The following PRKG1 variants were observed in gnomAD, a reference collection of about 807,000 sequenced individuals.
PRKG1 encodes the protein protein kinase cGMP-dependent 1, also known as cGMP-dependent protein kinase 1.
Under a neutral mutation model 88.1 loss-of-function variants are expected in PRKG1, and 35 were observed. The ratio of observed to expected loss-of-function variants is 0.40; its 90% confidence interval spans 0.30 to 0.53. The LOEUF (loss-of-function observed/expected upper bound fraction) is 0.53, where lower values mean the gene tolerates loss of function less well. Ranked by LOEUF, PRKG1 falls within the 20% of genes least tolerant of loss-of-function variation. PRKG1 has a pLI of 0.59. For synonymous variants in PRKG1, 303 were observed against 292.5 expected, an observed-to-expected ratio of 1.04 and a Z score of -0.37; for missense variants, 540 against 839.8, an observed-to-expected ratio of 0.64 and a Z score of 4.41.
In PRKG1 at chr10:52,012,245, C is replaced by CTTTTTT. The variant is rs34119029; in HGVS notation, c.763-42230_763-42225dup. On this transcript the variant is annotated intron_variant, in intron 5 of 17. Transcript: ENST00000373980. Reference sequence around the variant, plus strand: ...TGTTCTTTTTGAAGGATTTATTTGCCTTTTTTTTTTTTTTGAGACAGGGTC... The same window carrying CTTTTTT: ...TGTTCTTTTTGAAGGATTTATTTGCCTTTTTTTTTTTTTTTTTTTTGAGACAGGGTC... Among the ~76,000 whole-genome samples, 1,123 of 139,138 alleles carry CTTTTTT rather than the reference C, an allele frequency of 8.1e-3. 36 individuals carry two copies. Among genetic ancestry groups the CTTTTTT allele is most frequent in the African/African-American group, 0.029 (1,066 of 36,654 alleles). The allele number at this position is 139,138 out of a possible 152,430, so 91.3% of individuals were successfully genotyped here.
intron 2 of PRKG1, among the ~76,000 whole-genome samples, chr10:51,443,303 G>A (rs146104296): frequency 6.6e-6 from 1 of 151,950 alleles, no homozygotes; most frequent in African/African-American, 2.4e-5. Context: ...CAATACAGTG[G>A]CAGAGTTGAG....
At chr10:51,832,011 A>C (rs1179869436) in intron 4 of PRKG1, among the ~76,000 whole-genome samples, 3 of 152,184 alleles carry the variant, frequency 2.0e-5, no homozygotes, top group Admixed American at 1.3e-4. Flanking sequence ...ATAAGTGTAC[A>C]AAGAGGTTTA....
intron 9 of PRKG1, among the ~76,000 whole-genome samples, chr10:52,241,167 G>A (rs1189358121): frequency 6.6e-6 from 1 of 152,086 alleles, no homozygotes; most frequent in African/African-American, 2.4e-5. Context: ...CTGCCTGCCT[G>A]TTTTGCGTAC....
At chr10:51,760,218 A>G (rs1423039659) in intron 3 of PRKG1, among the ~76,000 whole-genome samples, 1 of 152,078 alleles carries the variant, frequency 6.6e-6, no homozygotes, top group East Asian at 1.9e-4. Context: ...GACAGTTATT[A>G]TTGTCTTGGT....
chr10:51,182,442 C>T (rs921527417), intron 2 of PRKG1, among the ~76,000 whole-genome samples: 4 of 152,218 alleles, frequency 2.6e-5, no homozygotes, highest in African/African-American at 7.2e-5. Context: ...ACTGTAGCCA[C>T]TTCCCTTTAG....
chr10:52,265,482 C>T (rs993883122), intron 10 of PRKG1, among the ~76,000 whole-genome samples: 2 of 152,040 alleles, frequency 1.3e-5, no homozygotes, highest in Non-Finnish European at 2.9e-5. Context: ...CTCTTAATAA[C>T]AAGGTTAAAT....
chr10:52,161,937 A>T lies in PRKG1; in HGVS notation c.1050A>T (p.Ala350=), dbSNP rs1471690097. The T allele has an allele frequency of 1.2e-6, 2 of 1,612,466 alleles. No homozygotes were observed. Among genetic ancestry groups the T allele is most frequent in the East Asian group, 2.2e-5 (1 of 44,760 alleles). ...IGGLDDVSNK[A]YEDAEAKAKY... Reference sequence around the variant, plus strand: ...GGCTGGATGATGTTTCTAATAAAGCATATGAAGATGCAGAAGCTAAAGCAA... The same window carrying T: ...GGCTGGATGATGTTTCTAATAAAGCTTATGAAGATGCAGAAGCTAAAGCAA... The change falls in exon 9 of 18, where the codon GCA becomes GCT. Residue 350 remains alanine, a synonymous_variant. Transcript: ENST00000373980.
At chr10:52,248,949 C>G (rs891845412) in intron 9 of PRKG1, among the ~76,000 whole-genome samples, 13 of 141,936 alleles carry the variant, frequency 9.2e-5, no homozygotes, top group Non-Finnish European at 1.7e-4. Flanking sequence ...CTTTCCTTTC[C>G]TTTTTTTCTC....
intron 9 of PRKG1, among the ~76,000 whole-genome samples, chr10:52,166,797 A>ATATATATATATATG (rs1564498359): frequency 4.4e-5 from 1 of 22,686 alleles, no homozygotes; most frequent in Non-Finnish European, 6.6e-5. Context: ...CTATATATAT[A>ATATATATATATATG]CATATATATA....
intron 7 of PRKG1, among the ~76,000 whole-genome samples, chr10:52,082,269 C>T (rs1236592797): frequency 6.6e-6 from 1 of 152,110 alleles, no homozygotes; most frequent in African/African-American, 2.4e-5. Context: ...ATGGGAACTA[C>T]CATTCAGGAT....
At chr10:51,804,922 T>A (rs538463755) in intron 4 of PRKG1, among the ~76,000 whole-genome samples, 1 of 152,108 alleles carries the variant, frequency 6.6e-6, no homozygotes, top group Admixed American at 6.6e-5. Context: ...CCAGTTTCCA[T>A]GACGTATGGT....
intron 9 of PRKG1, among the ~76,000 whole-genome samples, chr10:52,232,932 A>G (rs1840560281): frequency 6.6e-6 from 1 of 152,220 alleles, no homozygotes; most frequent in South Asian, 2.1e-4. Context: ...AAGTTAAAGG[A>G]TGGTAAATAA....
rs116251771 is a variant in PRKG1, at chr10:52,002,642, C to A, written c.763-51842C>A. On this transcript the variant is annotated intron_variant, in intron 5 of 17. Coordinates refer to ENST00000373980, the MANE Select transcript of PRKG1 (RefSeq NM_006258.4). Reference sequence around the variant, plus strand: ...TATATTACTAATTATTGAGTGGCAGCTTTTCTTTTCTTTGGGTTTCACAGC... The same window carrying A: ...TATATTACTAATTATTGAGTGGCAGATTTTCTTTTCTTTGGGTTTCACAGC... Among the ~76,000 whole-genome samples, 1,153 of 152,166 alleles carry A rather than the reference C, an allele frequency of 7.6e-3. 22 individuals carry two copies. Among genetic ancestry groups the A allele is most frequent in the African/African-American group, 0.026 (1,099 of 41,536 alleles).
intron 1 of PRKG1, among the ~76,000 whole-genome samples, chr10:51,086,072 G>T (rs994637562): frequency 2.0e-5 from 3 of 151,920 alleles, no homozygotes; most frequent in Admixed American, 2.0e-4. Flanking sequence ...TTCTCTTGTT[G>T]GAAAAAAAGG....
chr10:51,345,943 G>A (rs1017964228), intron 2 of PRKG1, among the ~76,000 whole-genome samples: 2 of 152,268 alleles, frequency 1.3e-5, no homozygotes, highest in Non-Finnish European at 1.5e-5. Flanking sequence ...TGGAGATTAT[G>A]TTCAGTACAG....
intron 2 of PRKG1, among the ~76,000 whole-genome samples, chr10:51,161,808 T>C (rs925820160): frequency 1.3e-5 from 2 of 152,132 alleles, no homozygotes; most frequent in African/African-American, 4.8e-5. Flanking sequence ...TAAAAGTGTA[T>C]TTTTTTGGTA....
At chr10:51,663,716 A>C (rs971101987) in intron 3 of PRKG1, among the ~76,000 whole-genome samples, 6 of 151,348 alleles carry the variant, frequency 4.0e-5, no homozygotes, top group Non-Finnish European at 5.9e-5. Context: ...AAAAAAAAAA[A>C]AAAAAAAACA....
chr10:51,923,122 A>G (rs1842496534), intron 5 of PRKG1, among the ~76,000 whole-genome samples: 1 of 152,038 alleles, frequency 6.6e-6, no homozygotes, highest in Admixed American at 6.6e-5. Flanking sequence ...TTCTTGGACA[A>G]TTGATCCTTT....
chr10:52,184,355 A>T (rs1033816554), intron 9 of PRKG1, among the ~76,000 whole-genome samples: 1 of 152,164 alleles, frequency 6.6e-6, no homozygotes, highest in Non-Finnish European at 1.5e-5. Flanking sequence ...AGTACTTAAG[A>T]ATTAAAACAC....
Sources: gnomAD v4.1 joint callset for allele counts (sites outside exome capture counted in the v4.1 genomes callset) on GRCh38, gnomAD v4.1.1 for gene constraint, MANE v1.5 for transcripts, NCBI Gene and HGNC (gene_info 2026-07-23, HGNC 2026-07-21) for gene names.